The following CDH13 variants were observed in gnomAD, a reference collection of about 807,000 sequenced individuals.
CDH13 encodes cadherin 13, also known as cadherin-13.
CDH13 carries 24 observed loss-of-function variants against 63.8 expected under a neutral mutation model. The observed-to-expected ratio is 0.38, with a 90% CI of 0.27 to 0.53. CDH13 has a LOEUF of 0.53. Among genes scored for constraint, CDH13 ranks in the 20% least tolerant of loss-of-function variants. The pLI is 0.85. For missense variants in CDH13, 1,049 were observed against 903.1 expected, an observed-to-expected ratio of 1.16 and a Z score of -2.07; for synonymous variants, 503 against 355.3, an observed-to-expected ratio of 1.42 and a Z score of -4.67.
chr16:82,866,605 G>C (rs1262169706), intron 2 of CDH13, among the ~76,000 whole-genome samples: 2 of 151,658 alleles, frequency 1.3e-5, no homozygotes, highest in Non-Finnish European at 2.9e-5. Flanking sequence ...GGCCAGACTG[G>C]TCTCGTATTA....
In CDH13 at chr16:82,644,630, C is replaced by T. The variant is rs1310171218; in HGVS notation, c.45+17493C>T. Among the ~76,000 whole-genome samples the T allele has an allele frequency of 6.6e-6, 1 of 152,142 alleles. No homozygotes were observed. Among genetic ancestry groups the T allele is most frequent in the African/African-American group, 2.4e-5 (1 of 41,428 alleles). Reference sequence around the variant, plus strand: ...GTACGTGTCTTCATAGGTCTCCAGTCTGTAAAAGCAACCACGCTTTGGGCT... The same window carrying T: ...GTACGTGTCTTCATAGGTCTCCAGTTTGTAAAAGCAACCACGCTTTGGGCT... On this transcript the variant is annotated intron_variant, in intron 1 of 13. Transcript: ENST00000567109. The surrounding 1 kb of genome is among the most constrained non-coding windows in gnomAD (Gnocchi z 5.7).
chr16:83,499,818 T>TC (rs1490950230), intron 7 of CDH13, among the ~76,000 whole-genome samples: 1 of 152,014 alleles, frequency 6.6e-6, no homozygotes, highest in Non-Finnish European at 1.5e-5. Context: ...ATCTTTTTTT[T>TC]TGAGACGAAG....
intron 8 of CDH13, among the ~76,000 whole-genome samples, chr16:83,665,486 A>C (rs1913861756): frequency 6.6e-6 from 1 of 152,212 alleles, no homozygotes; most frequent in Non-Finnish European, 1.5e-5. Context: ...TCTTTTATGT[A>C]AACATAGACT....
chr16:83,743,534 G>C (rs768264797), intron 10 of CDH13, among the ~76,000 whole-genome samples: 3 of 152,078 alleles, frequency 2.0e-5, no homozygotes, highest in Non-Finnish European at 2.9e-5. Context: ...AGGAATGACA[G>C]AGGGAGCATC....
chr16:83,307,962 G>C (rs2089917018), intron 5 of CDH13, among the ~76,000 whole-genome samples: 1 of 152,084 alleles, frequency 6.6e-6, no homozygotes, highest in African/African-American at 2.4e-5. Context: ...GATTGATGAG[G>C]ACATTGCAGC....
At chr16:83,560,860 C>G (rs936251731) in intron 7 of CDH13, among the ~76,000 whole-genome samples, 1 of 151,912 alleles carries the variant, frequency 6.6e-6, no homozygotes, top group Non-Finnish European at 1.5e-5. Context: ...GCCCAGTAAG[C>G]CATGGTGCTG....
At chr16:83,266,920 G>C (rs906785874) in intron 5 of CDH13, among the ~76,000 whole-genome samples, 6 of 152,156 alleles carry the variant, frequency 3.9e-5, no homozygotes, top group Admixed American at 3.9e-4. Flanking sequence ...CTACCTCTCA[G>C]CTGAGCCCTC....
At chr16:83,058,156 G>A (rs577660400) in intron 3 of CDH13, among the ~76,000 whole-genome samples, 1 of 152,066 alleles carries the variant, frequency 6.6e-6, no homozygotes. Context: ...AACTTCATGA[G>A]TTACGTCTTT....
At chr16:83,052,294 C>T (rs951723892) in intron 3 of CDH13, among the ~76,000 whole-genome samples, 1 of 152,138 alleles carries the variant, frequency 6.6e-6, no homozygotes, top group African/African-American at 2.4e-5. Context: ...GTCAACATTT[C>T]TTTGGCAAGA....
chr16:82,703,305 C>T (rs1045880971), intron 1 of CDH13, among the ~76,000 whole-genome samples: 1 of 152,128 alleles, frequency 6.6e-6, no homozygotes, highest in Non-Finnish European at 1.5e-5. Flanking sequence ...TTCCGTCCCC[C>T]CACCATTCCT....
chr16:83,134,582 AG>A (rs2036199937), intron 4 of CDH13, among the ~76,000 whole-genome samples: 1 of 62,062 alleles, frequency 1.6e-5, no homozygotes, highest in African/African-American at 1.1e-4. Flanking sequence ...AGAGAGAGAG[AG>A]AGAGAGAGAG....
chr16:83,774,491 G>C (rs1026615319), intron 11 of CDH13, among the ~76,000 whole-genome samples: 1 of 152,116 alleles, frequency 6.6e-6, no homozygotes, highest in Admixed American at 6.5e-5. Flanking sequence ...TCCTGCCTCA[G>C]CCTCCAGAGT....
chr16:82,715,580 GT>G (rs2032306967), intron 1 of CDH13, among the ~76,000 whole-genome samples: 1 of 152,214 alleles, frequency 6.6e-6, no homozygotes, highest in African/African-American at 2.4e-5. Context: ...CCTTGAAATT[GT>G]TGATAGGGTA....
intron 7 of CDH13, among the ~76,000 whole-genome samples, chr16:83,597,240 A>C (rs1031901061): frequency 3.3e-5 from 5 of 151,826 alleles, no homozygotes; most frequent in South Asian, 4.1e-4. Context: ...CACACACACA[A>C]AAAGTAGAAA....
chr16:82,862,112 G>A (rs1597831113), intron 2 of CDH13, among the ~76,000 whole-genome samples: 1 of 152,282 alleles, frequency 6.6e-6, no homozygotes, highest in Non-Finnish European at 1.5e-5. Context: ...TGGAGGCCTG[G>A]CACCCATATC....
chr16:82,935,683 C>G (rs189282415), intron 2 of CDH13, among the ~76,000 whole-genome samples: 46 of 152,254 alleles, frequency 3.0e-4, no homozygotes, highest in African/African-American at 9.6e-4. Flanking sequence ...GGAGAGTCAG[C>G]AATAACCCCC....
chr16:82,699,080 T>C (rs192619107), intron 1 of CDH13, among the ~76,000 whole-genome samples: 1 of 152,336 alleles, frequency 6.6e-6, no homozygotes, highest in East Asian at 1.9e-4. Context: ...AATAATAATA[T>C]ACAATATTCT....
At chr16:83,224,424 A>C (rs1488409716) in intron 5 of CDH13, among the ~76,000 whole-genome samples, 9 of 152,214 alleles carry the variant, frequency 5.9e-5, no homozygotes, top group Admixed American at 5.9e-4. Flanking sequence ...GTCAGTGAGA[A>C]GCTTAGTTGC....
intron 5 of CDH13, among the ~76,000 whole-genome samples, chr16:83,334,430 T>C (rs1176209743): frequency 6.7e-6 from 1 of 148,224 alleles, no homozygotes; most frequent in African/African-American, 2.5e-5. Context: ...AGAGTGCAGT[T>C]GCACAATCAC....
Sources: gnomAD v4.1 joint callset for allele counts (sites outside exome capture counted in the v4.1 genomes callset) on GRCh38, gnomAD v4.1.1 for gene constraint, Gnocchi (gnomAD v3.1) non-coding constraint, MANE v1.5 for transcripts, NCBI Gene and HGNC (gene_info 2026-07-23, HGNC 2026-07-21) for gene names.